Variants in ABCA10 observed in about 807,000 individuals in gnomAD.
ABCA10 encodes the protein ATP-binding cassette sub-family A member 10.
In ABCA10, 169 loss-of-function variants were observed where a neutral mutation model predicts 187.5. The ratio of observed to expected loss-of-function variants is 0.90; its 90% CI spans 0.80 to 1.02. ABCA10 has a LOEUF of 1.02. Among genes scored for constraint, ABCA10 ranks in the 50% least tolerant of loss-of-function variants. The pLI, the probability that ABCA10 is intolerant of heterozygous loss-of-function variation, is 0.00. For missense variants in ABCA10, 1,727 were observed against 1,812.4 expected (o/e 0.95, Z 0.86); for synonymous variants, 574 against 601.8 (o/e 0.95, Z 0.68).
rs567665095 is a variant in ABCA10, at chr17:69,208,137, G to A, written c.1007-6469C>T. Among the ~76,000 whole-genome samples, 13 of 152,196 alleles carry A rather than the reference G, an allele frequency of 8.5e-5. No homozygotes were observed. The East Asian group carries it at 2.5e-3, about 29-fold the overall frequency. ...AAATTTTATAAGAATGTATTAGGAG[G>A]CCAGGCGCGGTGGCTCACGCCTGTA... On this transcript the variant is annotated intron_variant, in intron 9 of 38. Coordinates refer to ENST00000690296, the MANE Select transcript of ABCA10 (RefSeq NM_001377321.1).
intron 36 of ABCA10, 115 bp from the exon 37 acceptor site, chr17:69,150,178 T>G (rs1024787413): frequency 7.1e-6 from 5 of 701,474 alleles, no homozygotes; most frequent in African/African-American, 3.6e-5. Context: ...AGTGTCTGAT[T>G]TGATATAGCA....
chr17:69,150,788 C>T (rs993200971), intron 36 of ABCA10, among the ~76,000 whole-genome samples: 6 of 152,292 alleles, frequency 3.9e-5, no homozygotes, highest in South Asian at 4.1e-4. Flanking sequence ...TCAGTAGCTA[C>T]GTATGTGTAG....
intron 25 of ABCA10, among the ~76,000 whole-genome samples, chr17:69,169,228 T>A (rs1373279989): frequency 6.6e-6 from 1 of 152,200 alleles, no homozygotes; most frequent in Non-Finnish European, 1.5e-5. Context: ...CCACTGAGGA[T>A]TAAAACCTGG....
intron 9 of ABCA10, among the ~76,000 whole-genome samples, chr17:69,204,406 G>A (rs1251387293): frequency 1.3e-5 from 2 of 152,194 alleles, no homozygotes; most frequent in African/African-American, 4.8e-5. Context: ...TGGACAAAAT[G>A]TGTTTTCAAG....
chr17:69,167,933 C>A (rs1008841795), intron 25 of ABCA10, among the ~76,000 whole-genome samples: 1 of 150,826 alleles, frequency 6.6e-6, no homozygotes, highest in Non-Finnish European at 1.5e-5. Context: ...GCCTCCCCTT[C>A]CACCTCTTCC....
intron 15 of ABCA10, 62 bp from the exon 16 acceptor site, chr17:69,192,715 C>G: frequency 7.3e-7 from 1 of 1,378,824 alleles, no homozygotes; most frequent in Non-Finnish European, 1.0e-6. Context: ...GGTATATTCT[C>G]TACTTTGGAT....
chr17:69,191,050 G>A, intron 17 of ABCA10, 126 bp downstream of exon 17: 1 of 975,586 alleles, frequency 1.0e-6, no homozygotes, highest in African/African-American at 1.7e-5. Flanking sequence ...AATAGGAACA[G>A]ATTACTTATG....
At chr17:69,237,560 C>G (rs1183942264) in intron 1 of ABCA10, among the ~76,000 whole-genome samples, 1 of 152,208 alleles carries the variant, frequency 6.6e-6, no homozygotes, top group Non-Finnish European at 1.5e-5. Flanking sequence ...GTGGCACTAA[C>G]TTCTTCCATT....
intron 5 of ABCA10, among the ~76,000 whole-genome samples, chr17:69,221,485 C>A (rs910588031): frequency 1.3e-5 from 2 of 152,080 alleles, no homozygotes; most frequent in African/African-American, 4.8e-5. Context: ...AAAGAGGAGA[C>A]AAAAACAAAA....
rs1419619078 is a variant in ABCA10 at position 69,152,442 on chromosome 17, G to A, written c.4176C>T (p.Gly1392=). The A allele has an allele frequency of 1.9e-6, 3 of 1,613,674 alleles. No homozygotes were observed. Among genetic ancestry groups the A allele is most frequent in the East Asian group, 2.2e-5 (1 of 44,874 alleles). The change falls in exon 35 of 39, where the codon GGC becomes GGT. Residue 1392 remains glycine, a synonymous_variant. Coordinates refer to ENST00000690296, the MANE Select transcript of ABCA10 (RefSeq NM_001377321.1). ...ACATGTAATGGGTGGTCAAGAGGGT[G>A]CCCCTCTCCTTGTTTTTAACGGTAG... ...LQATVKNKER[G]TLLTTHYMSE...
intron 1 of ABCA10, among the ~76,000 whole-genome samples, chr17:69,236,490 A>T (rs1326451877): frequency 6.6e-6 from 1 of 152,232 alleles, no homozygotes; most frequent in Non-Finnish European, 1.5e-5. Context: ...GATAGAATGT[A>T]TTTATTACAA....
At position 69,182,238 on chromosome 17, in the gene ABCA10, A is replaced by G; in HGVS notation, c.2684T>C (p.Val895Ala). The G allele has an allele frequency of 1.9e-6, 3 of 1,597,650 alleles. No individual in the cohort carries two copies. The highest frequency in any genetic ancestry group is 2.6e-6 in the Non-Finnish European group (3 of 1,171,404). ...GGCATTGCTAACAATTCCCATAAGA[A>G]CAGGAAAACAATTCAATTTCTTGGT... ...CNTKKLNCFP[V>A]LMGIVSNALM... The change falls in exon 22 of 39, where the codon GTT (valine) becomes GCT (alanine). Residue 895 changes from valine (V) to alanine (A), a missense_variant. Physicochemically the swap from Val to Ala is moderately conservative, Grantham distance 64. Coordinates refer to ENST00000690296, the MANE Select transcript of ABCA10 (RefSeq NM_001377321.1).
At chr17:69,210,605 C>CATTAT (rs10634998) in intron 9 of ABCA10, among the ~76,000 whole-genome samples, 101,169 of 150,818 alleles carry the variant, frequency 0.67, 34,637 homozygotes, top group African/African-American at 0.76. Flanking sequence ...CCCCAAAGTT[C>CATTAT]ATTATTCACA....
intron 27 of ABCA10, among the ~76,000 whole-genome samples, chr17:69,158,818 T>A (rs2074193864): frequency 6.6e-6 from 1 of 151,998 alleles, no homozygotes; most frequent in Non-Finnish European, 1.5e-5. Context: ...AACAATGTAG[T>A]CCTGACACTG....
intron 1 of ABCA10, among the ~76,000 whole-genome samples, chr17:69,237,447 C>T (rs2074879074): frequency 2.0e-5 from 3 of 152,146 alleles, no homozygotes; most frequent in African/African-American, 4.8e-5. Flanking sequence ...AGACTAATAT[C>T]CTCCTCTAGA....
chr17:69,174,690 A>C lies in ABCA10; in HGVS notation c.2965T>G (p.Phe989Val). 1 of 1,612,098 alleles carries C rather than the reference A, an allele frequency of 6.2e-7. No homozygotes were observed. The highest frequency in any genetic ancestry group is 8.5e-7 in the Non-Finnish European group (1 of 1,178,546). ...AAATGTATTGAAAAGAGAATCAAGA[A>C]GTATAATGGAATGTCCACCAGAGCC... ...GQALVDIPLYFLILFSIHLIY... is the reference protein window; with the variant it reads ...GQALVDIPLYVLILFSIHLIY... Residue 989 changes from phenylalanine to valine, a missense_variant, in exon 24 of 39, where the codon TTC (phenylalanine) becomes GTC (valine). Physicochemically the swap from Phe to Val is conservative, Grantham distance 50. Coordinates refer to ENST00000690296, the MANE Select transcript of ABCA10 (RefSeq NM_001377321.1).
At chr17:69,154,033 A>G (rs2074152773) in intron 31 of ABCA10, 24 bp from the exon 32 acceptor site, 1 of 1,607,010 alleles carries the variant, frequency 6.2e-7, no homozygotes, top group African/African-American at 1.3e-5. Flanking sequence ...TGAATGTCAG[A>G]TTCACCTTTG....
chr17:69,152,209 A>G lies in ABCA10; in HGVS notation c.4257-26T>C, dbSNP rs368455840. On this transcript the variant is annotated intron_variant, in intron 35 of 38. Transcript: ENST00000690296. The stretch of plus-strand genomic sequence containing the variant: ...CTAGTTCAGGGGAAATAAAGAAAAA[A>G]TACTTGTCTCTTAATTTCTTCCTCG... 4 of 1,591,454 alleles carry G rather than the reference A, an allele frequency of 2.5e-6. No homozygotes were observed. In the African/African-American group the frequency reaches 5.5e-5, roughly 22 times the overall value.
At chr17:69,236,256 C>T (rs2074870264) in intron 1 of ABCA10, among the ~76,000 whole-genome samples, 1 of 152,154 alleles carries the variant, frequency 6.6e-6, no homozygotes, top group South Asian at 2.1e-4. Flanking sequence ...ATTTATAATG[C>T]AGGCTTGTAA....
Sources: allele counts gnomAD v4.1 joint callset (sites outside exome capture counted in the v4.1 genomes callset), GRCh38; gene constraint gnomAD v4.1.1; transcripts MANE v1.5; gene names NCBI Gene and HGNC (gene_info 2026-07-23, HGNC 2026-07-21).